The following STK33 variants were observed in gnomAD, a reference collection of about 807,000 sequenced individuals.
STK33 encodes the protein serine/threonine-protein kinase 33.
In STK33, 52 loss-of-function variants were observed where a neutral mutation model predicts 58.0. The observed-to-expected ratio is 0.90, with a 90% CI of 0.72 to 1.13. The LOEUF (loss-of-function observed/expected upper bound fraction) is 1.13. Ranked by LOEUF, STK33 falls within the 50% of genes most tolerant of loss-of-function variation. The probability of loss-of-function intolerance (pLI) is 0.00; values close to 1 mark genes in which losing one functional copy is unlikely to be tolerated. For synonymous variants in STK33, 215 were observed against 200.1 expected (o/e 1.07, Z -0.63); for missense variants, 630 against 604.2 (o/e 1.04, Z -0.45).
the STK33 span, among the ~76,000 whole-genome samples, chr11:8,378,583 C>A: frequency 6.6e-6 from 1 of 152,162 alleles, no homozygotes; most frequent in African/African-American, 2.4e-5. Flanking sequence ...CTCACCATCA[C>A]GAGAACAGCA....
chr11:8,441,273 G>C (rs950606250), intron 11 of STK33, among the ~76,000 whole-genome samples: 2 of 151,932 alleles, frequency 1.3e-5, no homozygotes, highest in African/African-American at 4.8e-5. Context: ...GACAAAGAGA[G>C]AGCTCCTATA....
At chr11:8,410,558 C>T (rs1033792482) in intron 15 of STK33, among the ~76,000 whole-genome samples, 4 of 150,812 alleles carry the variant, frequency 2.7e-5, no homozygotes, top group African/African-American at 4.9e-5. Flanking sequence ...CTGCAACCTC[C>T]GCCTCTTGGG....
At chr11:8,577,598 A>C (rs971021130) in intron 1 of STK33, among the ~76,000 whole-genome samples, 1 of 152,030 alleles carries the variant, frequency 6.6e-6, no homozygotes, top group Non-Finnish European at 1.5e-5. Context: ...CTCTAGAATC[A>C]CTCCTGGACA....
At chr11:8,435,993 T>C in intron 13 of STK33, 34 bp downstream of exon 13, 12 of 1,277,076 alleles carry the variant, frequency 9.4e-6, no homozygotes, top group Non-Finnish European at 1.3e-5. Context: ...TTACTTATAT[T>C]AGCTTTAGTA....
chr11:8,485,841 A>G (rs1302688791), intron 1 of STK33, among the ~76,000 whole-genome samples: 1 of 152,232 alleles, frequency 6.6e-6, no homozygotes, highest in African/African-American at 2.4e-5. Context: ...ATATATGTAC[A>G]TACTTGAAAA....
At chr11:8,446,109 G>C (rs770593502) in intron 11 of STK33, among the ~76,000 whole-genome samples, 53 of 152,098 alleles carry the variant, frequency 3.5e-4, no homozygotes, top group Non-Finnish European at 7.2e-4. Flanking sequence ...AGTCTTGGGA[G>C]GGTGTATGTG....
chr11:8,592,180 C>G (rs1285791553), intron 1 of STK33, among the ~76,000 whole-genome samples: 1 of 152,070 alleles, frequency 6.6e-6, no homozygotes, highest in Non-Finnish European at 1.5e-5. Flanking sequence ...TGCCCTGTAG[C>G]CTGCAGGGAA....
intron 1 of STK33, among the ~76,000 whole-genome samples, chr11:8,526,863 G>GT (rs1427222824): frequency 2.1e-5 from 3 of 143,448 alleles, no homozygotes; most frequent in African/African-American, 7.6e-5. Flanking sequence ...TATAGATACT[G>GT]TAAGATTCTG....
intron 1 of STK33, among the ~76,000 whole-genome samples, chr11:8,504,030 CCTT>C (rs1295567728): frequency 1.3e-5 from 2 of 152,178 alleles, no homozygotes; most frequent in Admixed American, 6.5e-5. Context: ...AAACTGTACT[CCTT>C]AAGTTCCCAG....
At chr11:8,483,177 A>G (rs1485783517) in intron 1 of STK33, among the ~76,000 whole-genome samples, 1 of 151,950 alleles carries the variant, frequency 6.6e-6, no homozygotes, top group Non-Finnish European at 1.5e-5. Context: ...GGTAATACTC[A>G]AACTAAGTCA....
At chr11:8,514,485 G>A (rs937613694) in intron 1 of STK33, among the ~76,000 whole-genome samples, 1 of 152,300 alleles carries the variant, frequency 6.6e-6, no homozygotes, top group African/African-American at 2.4e-5. Context: ...GGAAACAACA[G>A]ATAGACTGAG....
Position 8,414,694 on chromosome 11 carries a change from C to T in STK33, c.1147-1002G>A, listed in dbSNP as rs558709591. ...GCTAATAACTAAATGAGGATCACTACGCAATTAATTCTCTGTGATTCTTCT... is the reference window on the plus strand; with the variant it reads ...GCTAATAACTAAATGAGGATCACTATGCAATTAATTCTCTGTGATTCTTCT... On this transcript the variant is annotated intron_variant, in intron 14 of 15. Coordinates refer to ENST00000687296, the MANE Select transcript of STK33 (RefSeq NM_001352389.2). Among the ~76,000 whole-genome samples, 33 of 152,172 alleles carry T rather than the reference C, an allele frequency of 2.2e-4. 1 individual carries two copies. The highest frequency in any genetic ancestry group is 1.5e-3 in the South Asian group (7 of 4,820).
At chr11:8,359,588 C>T in the STK33 span, among the ~76,000 whole-genome samples, 5 of 152,296 alleles carry the variant, frequency 3.3e-5, no homozygotes, top group South Asian at 8.3e-4. Context: ...TAGGCCTGCG[C>T]GCCTCCTCAG....
chr11:8,351,838 C>T, the STK33 span, among the ~76,000 whole-genome samples: 609 of 152,350 alleles, frequency 4.0e-3, 17 homozygotes, highest in Admixed American at 0.038. Context: ...TCCTCCATCC[C>T]CTTGGAGCTG....
At chr11:8,376,832 G>GC in the STK33 span, among the ~76,000 whole-genome samples, 1 of 152,110 alleles carries the variant, frequency 6.6e-6, no homozygotes, top group African/African-American at 2.4e-5. Flanking sequence ...GAGCCACCAT[G>GC]CCCGGCCGAT....
intron 1 of STK33, among the ~76,000 whole-genome samples, chr11:8,576,943 C>T (rs577418124): frequency 1.6e-4 from 24 of 152,282 alleles, no homozygotes; most frequent in African/African-American, 5.5e-4. Flanking sequence ...TCTACTTCCC[C>T]GGGATTTAAT....
chr11:8,591,304 T>C (rs1420634259), intron 1 of STK33, among the ~76,000 whole-genome samples: 5 of 152,210 alleles, frequency 3.3e-5, no homozygotes, highest in African/African-American at 2.4e-5. Context: ...CTTGTACTTA[T>C]TTTCTTTACC....
chr11:8,383,709 G>C, the STK33 span, among the ~76,000 whole-genome samples: 3 of 152,152 alleles, frequency 2.0e-5, no homozygotes, highest in Non-Finnish European at 4.4e-5. Flanking sequence ...TCTCCGAATG[G>C]CATTTCATGT....
At chr11:8,496,157 G>A (rs2138918553) in intron 1 of STK33, among the ~76,000 whole-genome samples, 1 of 152,104 alleles carries the variant, frequency 6.6e-6, no homozygotes, top group African/African-American at 2.4e-5. Flanking sequence ...AAAAAGAAGT[G>A]AACTTGATTT....
Sources: allele counts gnomAD v4.1 joint callset (sites outside exome capture counted in the v4.1 genomes callset), GRCh38; gene constraint gnomAD v4.1.1; transcripts MANE v1.5; gene names NCBI Gene and HGNC (gene_info 2026-07-23, HGNC 2026-07-21).